The following CBFA2T3 variants were observed in gnomAD, a reference collection of about 807,000 sequenced individuals.
CBFA2T3 encodes the protein CBFA2/RUNX1 partner transcriptional co-repressor 3, also known as transcriptional corepressor CBFA2T3.
In CBFA2T3, 31 loss-of-function variants were observed where a neutral mutation model predicts 58.6. The ratio of observed to expected loss-of-function variants is 0.53; its 90% confidence interval spans 0.40 to 0.71. The LOEUF (loss-of-function observed/expected upper bound fraction) is 0.71. CBFA2T3 is among the 30% of genes least tolerant of loss of function. CBFA2T3 has a pLI of 0.00. For missense variants in CBFA2T3, 1,076 were observed against 963.1 expected, an observed-to-expected ratio of 1.12 and a Z score of -1.55; for synonymous variants, 531 against 421.9, an observed-to-expected ratio of 1.26 and a Z score of -3.17.
chr16:88,889,048 T>G (rs1399191535), intron 5 of CBFA2T3, among the ~76,000 whole-genome samples: 1 of 151,872 alleles, frequency 6.6e-6, no homozygotes, highest in African/African-American at 2.4e-5. Flanking sequence ...ACCCTGATCC[T>G]CAGTTAAGCA....
At chr16:88,949,426 G>T (rs142130786) in intron 1 of CBFA2T3, among the ~76,000 whole-genome samples, 1 of 152,040 alleles carries the variant, frequency 6.6e-6, no homozygotes, top group Non-Finnish European at 1.5e-5. Context: ...AGGTGTGATG[G>T]TGTGTGCCTG....
intron 1 of CBFA2T3, among the ~76,000 whole-genome samples, chr16:88,931,741 TG>T (rs770758254): frequency 1.3e-5 from 2 of 152,112 alleles, no homozygotes; most frequent in Non-Finnish European, 2.9e-5. Context: ...ACCCCAGTCC[TG>T]GGGCAGCATG....
In CBFA2T3 at chr16:88,973,733, C is replaced by T. The variant is rs192305953; in HGVS notation, c.151+2924G>A. ...GATGGAGAGTGAGTGGTGGCAAAGC[C>T]CAGCCCCAAGGGCAAGGTCGGGTAG... is the stretch of plus-strand genomic sequence containing the variant. On this transcript the variant is annotated intron_variant, in intron 1 of 11. Coordinates refer to ENST00000268679, the MANE Select transcript of CBFA2T3 (RefSeq NM_005187.6). Among the ~76,000 whole-genome samples the T allele has an allele frequency of 5.7e-3, 865 of 152,302 alleles. 10 individuals are homozygous for T. Among genetic ancestry groups the T allele is most frequent in the African/African-American group, 0.02 (829 of 41,562 alleles).
chr16:88,905,739 AC>A (rs1191510349), intron 1 of CBFA2T3, among the ~76,000 whole-genome samples: 1 of 42,342 alleles, frequency 2.4e-5, no homozygotes, highest in African/African-American at 9.0e-5. Flanking sequence ...GAGGGGCGGG[AC>A]TGGAGGGGCG....
intron 1 of CBFA2T3, chr16:88,938,599 C>G (rs927198681): frequency 7.2e-5 from 11 of 152,454 alleles, no homozygotes; most frequent in African/African-American, 1.9e-4. Context: ...CACAGGCAGG[C>G]AGTGCAGCAA....
intron 1 of CBFA2T3, among the ~76,000 whole-genome samples, chr16:88,971,938 G>A (rs577812139): frequency 2.6e-5 from 4 of 152,240 alleles, no homozygotes; most frequent in Non-Finnish European, 5.9e-5. Context: ...ACTGCTTCTC[G>A]GTCCACATGT....
intron 1 of CBFA2T3, among the ~76,000 whole-genome samples, chr16:88,941,442 T>A (rs1345923859): frequency 1.4e-5 from 2 of 146,114 alleles, no homozygotes; most frequent in Non-Finnish European, 3.0e-5. Context: ...CCGGCGCCCA[T>A]GGCGCTCAGC....
At chr16:88,920,111 G>C (rs1036615635) in intron 1 of CBFA2T3, among the ~76,000 whole-genome samples, 1 of 152,136 alleles carries the variant, frequency 6.6e-6, no homozygotes, top group Non-Finnish European at 1.5e-5. Flanking sequence ...GGCGGTGTGC[G>C]CCCGAGGCCT....
At chr16:88,950,424 A>G in intron 1 of CBFA2T3, 1 of 425,852 alleles carries the variant, frequency 2.3e-6, no homozygotes, top group Non-Finnish European at 4.6e-6. Flanking sequence ...CGGCACCGGC[A>G]CAGAGGGTCA....
chr16:88,911,578 C>T (rs1398476575), intron 1 of CBFA2T3, among the ~76,000 whole-genome samples: 1 of 152,240 alleles, frequency 6.6e-6, no homozygotes. Flanking sequence ...TTTTCCGTCT[C>T]CTAATCTGGC....
At chr16:88,912,642 C>A (rs1204740559) in intron 1 of CBFA2T3, among the ~76,000 whole-genome samples, 2 of 152,212 alleles carry the variant, frequency 1.3e-5, no homozygotes, top group African/African-American at 2.4e-5. Flanking sequence ...TTACGCCCGT[C>A]TCCCCCAGGG....
intron 2 of CBFA2T3, among the ~76,000 whole-genome samples, chr16:88,901,179 C>T (rs1970083714): frequency 1.3e-5 from 2 of 152,256 alleles, no homozygotes; most frequent in Admixed American, 6.5e-5. Context: ...TGAGGCACAG[C>T]GGCCGGCTTT....
intron 1 of CBFA2T3, among the ~76,000 whole-genome samples, chr16:88,975,752 G>A (rs1170041483): frequency 1.3e-5 from 2 of 152,266 alleles, no homozygotes; most frequent in African/African-American, 4.8e-5. Flanking sequence ...ACGGGCAGCT[G>A]CAGGTGGGAA....
chr16:88,932,791 C>CAAAAAAAAAAAAAAAAAA (rs576934029), intron 1 of CBFA2T3, among the ~76,000 whole-genome samples: 2 of 27,860 alleles, frequency 7.2e-5, no homozygotes, highest in African/African-American at 1.3e-4. Flanking sequence ...ACTAAAAATA[C>CAAAAAAAAAAAAAAAAAA]AAAAAAAAAA....
intron 1 of CBFA2T3, among the ~76,000 whole-genome samples, chr16:88,919,781 G>A (rs181826512): frequency 1.5e-4 from 23 of 152,246 alleles, no homozygotes; most frequent in African/African-American, 2.6e-4. Context: ...AGTCAGTGTC[G>A]CTCCACGTAA....
At chr16:88,954,201 G>C (rs1459776024) in intron 1 of CBFA2T3, among the ~76,000 whole-genome samples, 1 of 152,130 alleles carries the variant, frequency 6.6e-6, no homozygotes, top group Non-Finnish European at 1.5e-5. Context: ...TGCTATGAAA[G>C]GTCCCCTGAC....
intron 5 of CBFA2T3, among the ~76,000 whole-genome samples, chr16:88,888,037 T>A (rs1305286736): frequency 1.3e-5 from 2 of 152,146 alleles, no homozygotes; most frequent in Non-Finnish European, 2.9e-5. Context: ...CCTTGCTGTA[T>A]CTGCAAACTA....
chr16:88,965,852 C>G (rs1262317583), intron 1 of CBFA2T3, among the ~76,000 whole-genome samples: 1 of 152,200 alleles, frequency 6.6e-6, no homozygotes, highest in Non-Finnish European at 1.5e-5. Flanking sequence ...TTTTAGGGAG[C>G]TCGCAAACAA....
At chr16:88,910,739 T>C (rs559875536) in intron 1 of CBFA2T3, among the ~76,000 whole-genome samples, 3 of 152,168 alleles carry the variant, frequency 2.0e-5, no homozygotes, top group Non-Finnish European at 4.4e-5. Context: ...GAGAAGGTCT[T>C]TGACCAGCAT....
Sources: gnomAD v4.1 joint callset for allele counts (sites outside exome capture counted in the v4.1 genomes callset) on GRCh38, gnomAD v4.1.1 for gene constraint, MANE v1.5 for transcripts, NCBI Gene and HGNC (gene_info 2026-07-23, HGNC 2026-07-21) for gene names.